The following LHFPL4 variants were observed in gnomAD, a reference collection of about 807,000 sequenced individuals.
LHFPL4 encodes LHFPL tetraspan subfamily member 4 protein.
A neutral mutation model predicts 20.0 loss-of-function variants in LHFPL4; 6 were observed. The ratio of observed to expected loss-of-function variants is 0.30; its 90% CI spans 0.16 to 0.59. LHFPL4 has a LOEUF of 0.59. Ranked by LOEUF, LHFPL4 falls within the 20% of genes least tolerant of loss-of-function variation. The pLI is 0.88. For missense variants in LHFPL4, 215 were observed against 331.2 expected (o/e 0.65, Z 2.72); for synonymous variants, 129 against 143.8 (o/e 0.90, Z 0.74).
rs1441448617 is a variant in LHFPL4, at chr3:9,553,741, C to T, written c.-225G>A. Reference sequence around the variant, plus strand: ...CTGGCACGGCCTAGGCGCCGCGGCTCGGCGCTCCCAGCAGCGGCTGCCTCG... The same window carrying T: ...CTGGCACGGCCTAGGCGCCGCGGCTTGGCGCTCCCAGCAGCGGCTGCCTCG... On this transcript the variant is annotated 5_prime_UTR_variant, in exon 1 of 4. Transcript: ENST00000287585. 1 of 150,778 alleles carries T rather than the reference C, an allele frequency of 6.6e-6. No homozygotes were observed. Among genetic ancestry groups the T allele is most frequent in the Non-Finnish European group, 1.5e-5 (1 of 67,526 alleles). The allele number at this position is 150,778 out of a possible 1,614,324, so 9.3% of individuals were successfully genotyped here.
At chr3:9,520,405 G>A (rs2046330221) in intron 2 of LHFPL4, among the ~76,000 whole-genome samples, 1 of 152,082 alleles carries the variant, frequency 6.6e-6, no homozygotes, top group Admixed American at 6.6e-5. Flanking sequence ...CCAGGCTGGA[G>A]TGCAGTGGTG....
At chr3:9,547,625 G>A (rs186182794) in intron 2 of LHFPL4, among the ~76,000 whole-genome samples, 1 of 152,286 alleles carries the variant, frequency 6.6e-6, no homozygotes, top group East Asian at 1.9e-4. Flanking sequence ...CATAGAAGCT[G>A]GCACATTGGA....
intron 2 of LHFPL4, among the ~76,000 whole-genome samples, chr3:9,525,137 A>G (rs2046365176): frequency 6.6e-6 from 1 of 152,168 alleles, no homozygotes; most frequent in South Asian, 2.1e-4. Flanking sequence ...CAGGCCTGGC[A>G]TACATCAGAA....
chr3:9,519,918 C>T (rs759933261), intron 2 of LHFPL4, among the ~76,000 whole-genome samples: 3 of 152,072 alleles, frequency 2.0e-5, no homozygotes, highest in African/African-American at 2.4e-5. Context: ...TTTGGCCTCC[C>T]AAAGTGCTGA....
intron 2 of LHFPL4, among the ~76,000 whole-genome samples, chr3:9,520,407 G>T (rs773171215): frequency 1.3e-4 from 20 of 152,222 alleles, no homozygotes; most frequent in Non-Finnish European, 2.5e-4. Flanking sequence ...AGGCTGGAGT[G>T]CAGTGGTGCA....
chr3:9,527,175 G>C (rs1434868986), intron 2 of LHFPL4, among the ~76,000 whole-genome samples: 1 of 152,096 alleles, frequency 6.6e-6, no homozygotes, highest in Non-Finnish European at 1.5e-5. Context: ...TTATAAGAGT[G>C]GTGGCCTCTG....
At chr3:9,521,735 A>G (rs1343404495) in intron 2 of LHFPL4, among the ~76,000 whole-genome samples, 1 of 151,670 alleles carries the variant, frequency 6.6e-6, no homozygotes, top group Non-Finnish European at 1.5e-5. Context: ...TTAACATGGT[A>G]TAACTTTCTC....
chr3:9,536,915 T>C (rs1458809659), intron 2 of LHFPL4, among the ~76,000 whole-genome samples: 3 of 143,416 alleles, frequency 2.1e-5, no homozygotes, highest in African/African-American at 7.9e-5. Flanking sequence ...CGAGACTCTG[T>C]CTCAAAAAAA....
chr3:9,550,409 C>G (rs1269089009), intron 2 of LHFPL4, among the ~76,000 whole-genome samples: 1 of 152,190 alleles, frequency 6.6e-6, no homozygotes, highest in East Asian at 1.9e-4. Context: ...GCTGTGTGAC[C>G]TCAAGTAAGC....
At chr3:9,535,012 A>T (rs989582668) in intron 2 of LHFPL4, among the ~76,000 whole-genome samples, 1 of 152,102 alleles carries the variant, frequency 6.6e-6, no homozygotes, top group Admixed American at 6.6e-5. Flanking sequence ...AGGAGAAATA[A>T]TGAAGGAAGG....
chr3:9,502,091 A>C lies in LHFPL4; in HGVS notation c.*120T>G. On this transcript the variant is annotated 3_prime_UTR_variant, in exon 4 of 4. Coordinates refer to ENST00000287585, the MANE Select transcript of LHFPL4 (RefSeq NM_198560.3). Reference sequence around the variant, plus strand: ...CCTCAAAGCCTGGAGCTTGCAGGGTAGTCGGTGAGAAGTAAGTCTGAGATC... The same window carrying C: ...CCTCAAAGCCTGGAGCTTGCAGGGTCGTCGGTGAGAAGTAAGTCTGAGATC... 1 of 730,032 alleles carries C rather than the reference A, an allele frequency of 1.4e-6. No homozygotes were observed. The highest frequency in any genetic ancestry group is 2.4e-6 in the Non-Finnish European group (1 of 411,096). 45.2% of individuals were successfully genotyped at this position (730,032 alleles called of 1,614,324 possible).
intron 2 of LHFPL4, among the ~76,000 whole-genome samples, chr3:9,537,875 G>A (rs1441788810): frequency 1.3e-5 from 2 of 152,016 alleles, no homozygotes; most frequent in Non-Finnish European, 2.9e-5. Flanking sequence ...ATCCACAGCT[G>A]AGACCTTCTC....
At chr3:9,546,623 A>C (rs1334830224) in intron 2 of LHFPL4, among the ~76,000 whole-genome samples, 1 of 152,200 alleles carries the variant, frequency 6.6e-6, no homozygotes, top group Non-Finnish European at 1.5e-5. Flanking sequence ...ACTCAGACCC[A>C]GTCCTTACAT....
chr3:9,535,228 T>G (rs1574851027), intron 2 of LHFPL4, among the ~76,000 whole-genome samples: 1 of 152,190 alleles, frequency 6.6e-6, no homozygotes, highest in African/African-American at 2.4e-5. Context: ...TGACAGCAAA[T>G]AGTTATATAG....
At chr3:9,511,756 A>C (rs1225294151) in intron 2 of LHFPL4, among the ~76,000 whole-genome samples, 1 of 152,230 alleles carries the variant, frequency 6.6e-6, no homozygotes, top group African/African-American at 2.4e-5. Context: ...GAGGAGTTAA[A>C]GATGCATTAG....
chr3:9,521,251 G>T (rs1299025307), intron 2 of LHFPL4, among the ~76,000 whole-genome samples: 1 of 132,486 alleles, frequency 7.5e-6, no homozygotes. Context: ...TTTTTTGACA[G>T]TGTGGCTCTG....
intron 2 of LHFPL4, among the ~76,000 whole-genome samples, chr3:9,532,388 C>T (rs995460957): frequency 3.3e-5 from 5 of 151,728 alleles, no homozygotes; most frequent in South Asian, 4.2e-4. Flanking sequence ...TCACCCAGGC[C>T]GGAGTACAGT....
At chr3:9,525,432 G>C (rs181044367) in intron 2 of LHFPL4, among the ~76,000 whole-genome samples, 1 of 152,314 alleles carries the variant, frequency 6.6e-6, no homozygotes, top group African/African-American at 2.4e-5. Context: ...GCACTCACCT[G>C]TCTGTCGCTC....
At position 9,499,920 on chromosome 3, in the gene LHFPL4, C is replaced by G. The variant is rs1473138811; in HGVS notation, c.*2291G>C. 6.6e-6 allele frequency: 1 copy of G among 152,348 alleles called. No individual in the cohort carries two copies. The highest frequency in any genetic ancestry group is 1.9e-4 in the East Asian group (1 of 5,166). 9.4% of individuals were successfully genotyped at this position (152,348 alleles called of 1,614,324 possible). On this transcript the variant is annotated 3_prime_UTR_variant, in exon 4 of 4. Coordinates refer to ENST00000287585, the MANE Select transcript of LHFPL4 (RefSeq NM_198560.3). ...TGCCCCCAACCCACATCTCCATTTA[C>G]CTCTTCCCCGCTCCCGAGTCCTTTT...
Sources: allele counts gnomAD v4.1 joint callset (sites outside exome capture counted in the v4.1 genomes callset), GRCh38; gene constraint gnomAD v4.1.1; transcripts MANE v1.5; gene names NCBI Gene and HGNC (gene_info 2026-07-23, HGNC 2026-07-21).